Variants in EEF1E1 observed in about 807,000 individuals in gnomAD.
EEF1E1 encodes eukaryotic translation elongation factor 1 epsilon-1.
Under a neutral mutation model 19.9 loss-of-function variants are expected in EEF1E1, and 19 were observed. The ratio of observed to expected loss-of-function variants is 0.95; its 90% CI spans 0.66 to 1.40. The LOEUF (loss-of-function observed/expected upper bound fraction) is 1.40, where lower values mean the gene tolerates loss of function less well. Among genes scored for constraint, EEF1E1 ranks in the 40% most tolerant of loss-of-function variants. The pLI, the probability that EEF1E1 is intolerant of heterozygous loss-of-function variation, is 0.00. For missense variants in EEF1E1, 198 were observed against 202.2 expected, an observed-to-expected ratio of 0.98 and a Z score of 0.13; for synonymous variants, 81 against 80.0, an observed-to-expected ratio of 1.01 and a Z score of -0.07.
chr6:8,102,233 T>C, intron 1 of EEF1E1: 1 of 547,706 alleles, frequency 1.8e-6, no homozygotes, highest in Non-Finnish European at 2.3e-6. Flanking sequence ...CAACCTGAGC[T>C]GGTTAACCCC....
At chr6:8,089,524 G>T (rs1468775324) in intron 3 of EEF1E1, among the ~76,000 whole-genome samples, 1 of 152,144 alleles carries the variant, frequency 6.6e-6, no homozygotes, top group Non-Finnish European at 1.5e-5. Flanking sequence ...AGGCTGGGAG[G>T]CTAAGCCAGT....
intron 2 of EEF1E1, among the ~76,000 whole-genome samples, chr6:8,092,869 C>CTTTTTTTTTT (rs942764776): frequency 2.5e-4 from 23 of 93,758 alleles, no homozygotes; most frequent in Admixed American, 3.0e-4. Context: ...ATAAAGACTG[C>CTTTTTTTTTT]TTTTTTTTTT....
chr6:8,076,702 G>A (rs1462546742), downstream of EEF1E1, among the ~76,000 whole-genome samples: 1 of 152,176 alleles, frequency 6.6e-6, no homozygotes, highest in African/African-American at 2.4e-5. Flanking sequence ...TGAATGTTGT[G>A]TTAGCAGGCA....
At chr6:8,074,741 G>A (rs1757551798), downstream of EEF1E1, among the ~76,000 whole-genome samples, 1 of 152,202 alleles carries the variant, frequency 6.6e-6, no homozygotes, top group Non-Finnish European at 1.5e-5. Context: ...ACACTTGGCT[G>A]CAGAAGCCAG....
chr6:8,076,608 C>A (rs1389398746), downstream of EEF1E1, among the ~76,000 whole-genome samples: 2 of 152,026 alleles, frequency 1.3e-5, no homozygotes, highest in African/African-American at 4.8e-5. Context: ...CAGGCATGAG[C>A]CACCACGCCC....
chr6:8,102,504 C>A lies in EEF1E1; in HGVS notation c.18G>T (p.Glu6Asp). MAAAA[E>D]LSLLEKSLGL... ...CCAGGGACTTCTCCAGTAGCGACAA[C>A]TCTGCGGCCGCCGCCATCTTCCGGC... Residue 6 changes from glutamate (E) to aspartate (D), a missense_variant, in exon 1 of 4, where the codon GAG becomes GAT. Glu to Asp is a conservative substitution (Grantham distance 45). Transcript: ENST00000379715. 6.2e-7 allele frequency: 1 copy of A among 1,611,550 alleles called. No individual in the cohort carries two copies. The highest frequency in any genetic ancestry group is 8.5e-7 in the Non-Finnish European group (1 of 1,179,988).
chr6:8,100,121 G>A (rs1440786225), intron 1 of EEF1E1, among the ~76,000 whole-genome samples: 1 of 152,108 alleles, frequency 6.6e-6, no homozygotes, highest in Non-Finnish European at 1.5e-5. Context: ...CTGCTAAAAT[G>A]CTTTAATTAA....
intron 2 of EEF1E1, 41 bp from the exon 3 acceptor site, chr6:8,090,322 C>T: frequency 7.5e-7 from 1 of 1,334,740 alleles, no homozygotes; most frequent in Non-Finnish European, 9.8e-7. Flanking sequence ...ATGTAAAAAA[C>T]AGTAATAATA....
intron 1 of EEF1E1, chr6:8,102,071 G>T: frequency 8.5e-7 from 1 of 1,178,936 alleles, no homozygotes; most frequent in Non-Finnish European, 1.1e-6. Context: ...ATAACTGAAT[G>T]AAAGGTGCGA....
intron 2 of EEF1E1, among the ~76,000 whole-genome samples, chr6:8,096,071 G>A (rs17531): frequency 0.51 from 76,972 of 151,990 alleles, 19,776 homozygotes; most frequent in African/African-American, 0.58. Flanking sequence ...TAAATCAGAG[G>A]CTCCCAATTA....
At chr6:8,078,795 C>CT, downstream of EEF1E1, 1 of 1,233,838 alleles carries the variant, frequency 8.1e-7, no homozygotes, top group Non-Finnish European at 1.0e-6. Flanking sequence ...ACATACTAGG[C>CT]TTTTTTCTTC....
chr6:8,091,197 C>T (rs1758002982), intron 2 of EEF1E1, among the ~76,000 whole-genome samples: 1 of 152,166 alleles, frequency 6.6e-6, no homozygotes, highest in African/African-American at 2.4e-5. Flanking sequence ...TGTTGTGTTG[C>T]TCTGTGGGAT....
chr6:8,089,515 G>T (rs904850545), intron 3 of EEF1E1, among the ~76,000 whole-genome samples: 1 of 152,166 alleles, frequency 6.6e-6, no homozygotes, highest in African/African-American at 2.4e-5. Flanking sequence ...GAAAGACGTA[G>T]GCTGGGAGGC....
At chr6:8,077,149 T>A (rs567051608), downstream of EEF1E1, among the ~76,000 whole-genome samples, 11 of 152,232 alleles carry the variant, frequency 7.2e-5, no homozygotes, top group South Asian at 1.9e-3. Context: ...TTCACCGTGT[T>A]AGCCAGGATT....
chr6:8,078,248 T>C (rs758945672), downstream of EEF1E1, among the ~76,000 whole-genome samples: 7 of 152,050 alleles, frequency 4.6e-5, no homozygotes, highest in Non-Finnish European at 7.4e-5. Flanking sequence ...GGGGCTACTG[T>C]AAGGTTATTA....
chr6:8,092,992 A>G (rs1758061730), intron 2 of EEF1E1, among the ~76,000 whole-genome samples: 1 of 148,182 alleles, frequency 6.7e-6, no homozygotes, highest in South Asian at 2.1e-4. Flanking sequence ...CTCCTGCCTC[A>G]GCCTCCTGAG....
downstream of EEF1E1, among the ~76,000 whole-genome samples, chr6:8,079,194 ATC>A (rs1413379758): frequency 1.3e-5 from 2 of 152,188 alleles, no homozygotes; most frequent in African/African-American, 2.4e-5. Context: ...AGACTTTCCC[ATC>A]TCTTTTTTAT....
Position 8,079,673 on chromosome 6 carries a change from C to G in EEF1E1, c.*217G>C. ...ACAAGGTTAATTTATAACTGGATCT[C>G]AACTTGTTTAATAGCAATTGAATTT... On this transcript the variant is annotated 3_prime_UTR_variant, in exon 4 of 4. Coordinates refer to ENST00000379715, the MANE Select transcript of EEF1E1 (RefSeq NM_004280.5). 2 of 1,234,184 alleles carry G rather than the reference C, an allele frequency of 1.6e-6. No homozygotes were observed. Among genetic ancestry groups the G allele is most frequent in the Non-Finnish European group, 2.0e-6 (2 of 984,350 alleles). 76.5% of individuals were successfully genotyped at this position (1,234,184 alleles called of 1,614,324 possible).
chr6:8,099,787 CACACA>C (rs1343680943), intron 1 of EEF1E1, among the ~76,000 whole-genome samples: 4 of 81,614 alleles, frequency 4.9e-5, no homozygotes, highest in Non-Finnish European at 8.0e-5. Context: ...CACACACACA[CACACA>C]AAAAAAAAAC....
Sources: allele counts gnomAD v4.1 joint callset (sites outside exome capture counted in the v4.1 genomes callset), GRCh38; gene constraint gnomAD v4.1.1; transcripts MANE v1.5; gene names NCBI Gene and HGNC (gene_info 2026-07-23, HGNC 2026-07-21).